Variants in PTOV1 observed in about 807,000 individuals in gnomAD.
PTOV1 encodes prostate tumor-overexpressed gene 1 protein.
A neutral mutation model predicts 58.0 loss-of-function variants in PTOV1; 20 were observed. The ratio of observed to expected loss-of-function variants is 0.34; its 90% CI spans 0.24 to 0.50. The LOEUF is 0.50. Ranked by LOEUF, PTOV1 falls within the 20% of genes least tolerant of loss-of-function variation. The probability of loss-of-function intolerance (pLI) is 0.98; values close to 1 mark genes in which losing one functional copy is unlikely to be tolerated. For missense variants in PTOV1, 593 were observed against 565.4 expected (o/e 1.05, Z -0.50); for synonymous variants, 335 against 234.2 (o/e 1.43, Z -3.93).
intron 9 of PTOV1, 101 bp from the exon 10 acceptor site, chr19:49,858,448 G>A (rs2074580190): frequency 2.2e-6 from 2 of 889,846 alleles, no homozygotes; most frequent in South Asian, 3.0e-5. Context: ...GAGGACAGGG[G>A]AGTCTCAGTT....
In PTOV1 at chr19:49,854,893, G is replaced by C; in HGVS notation, c.450+5G>C. ...CTGATCCCTCAGCAGCTGCTGGTGA[G>C]ACCCGCCCCTCCCACCCCATCCACT... On this transcript the variant is annotated splice_donor_5th_base_variant and intron_variant, in intron 4 of 11. Coordinates refer to ENST00000391842, the Ensembl canonical transcript of PTOV1. 1 of 1,603,598 alleles carries C rather than the reference G, an allele frequency of 6.2e-7. No individual in the cohort carries two copies. Among genetic ancestry groups the C allele is most frequent in the Non-Finnish European group, 8.5e-7 (1 of 1,173,378 alleles).
intron 1 of PTOV1, 56 bp from the exon 2 acceptor site, chr19:49,854,350 C>G: frequency 1.3e-6 from 2 of 1,569,462 alleles, no homozygotes; most frequent in Non-Finnish European, 1.7e-6. Flanking sequence ...GTGGGGACTG[C>G]CTGTCCTTGC....
chr19:49,851,632 G>C (rs904180486), intron 1 of PTOV1, 133 bp downstream of exon 1: 77 of 1,081,460 alleles, frequency 7.1e-5, no homozygotes, highest in South Asian at 2.3e-4. Flanking sequence ...GTCCCGCCCG[G>C]GGCCGGGTTC....
chr19:49,860,143 TCCTGCAGCGGAA>T, exon 11 of PTOV1: 2 of 1,614,144 alleles, frequency 1.2e-6, no homozygotes, highest in Non-Finnish European at 1.7e-6. Flanking sequence ...CAGCAGCAGG[TCCTGCAGCGGAA>T]CCTGGAGCAG....
rs1454129072 is a variant in PTOV1 at position 49,860,253 on chromosome 19, G to A, written c.1240-15G>A. The A allele has an allele frequency of 6.2e-7, 1 of 1,613,742 alleles. No individual in the cohort carries two copies. Among genetic ancestry groups the A allele is most frequent in the Non-Finnish European group, 8.5e-7 (1 of 1,179,798 alleles). ...CGCTGCCTGCTCACCACTGGCCTCTGATTTCTCGCCGTAGATGGGGGGGTA... is the reference window on the plus strand; with the variant it reads ...CGCTGCCTGCTCACCACTGGCCTCTAATTTCTCGCCGTAGATGGGGGGGTA... On this transcript the variant is annotated splice_polypyrimidine_tract_variant and intron_variant, in intron 11 of 11. Transcript: ENST00000391842.
chr19:49,851,622 G>C, intron 1 of PTOV1, 123 bp downstream of exon 1: 1 of 1,062,130 alleles, frequency 9.4e-7, no homozygotes, highest in Non-Finnish European at 1.2e-6. Context: ...CCGAAGGGTG[G>C]TCCCGCCCGG....
chr19:49,852,590 ATCT>A (rs1297643825), intron 1 of PTOV1: 4 of 152,186 alleles, frequency 2.6e-5, no homozygotes, highest in Admixed American at 2.6e-4. Flanking sequence ...TGATCGTCCC[ATCT>A]TGATGTGCTG....
rs1568654214 is a variant in PTOV1 at position 49,860,251 on chromosome 19, C to CT, written c.1240-16dup. ...CCCGCTGCCTGCTCACCACTGGCCTCTGATTTCTCGCCGTAGATGGGGGGG... is the reference window on the plus strand; with the variant it reads ...CCCGCTGCCTGCTCACCACTGGCCTCTTGATTTCTCGCCGTAGATGGGGGGG... On this transcript the variant is annotated splice_polypyrimidine_tract_variant and intron_variant, in intron 11 of 11. Transcript: ENST00000391842. 1.2e-6 allele frequency: 2 copies of CT among 1,613,756 alleles called. No homozygotes were observed. Among genetic ancestry groups the CT allele is most frequent in the Admixed American group, 1.7e-5 (1 of 59,976 alleles).
chr19:49,859,923 G>A (rs1024240116), intron 10 of PTOV1, 63 bp from the exon 11 acceptor site: 14 of 1,564,608 alleles, frequency 8.9e-6, no homozygotes, highest in African/African-American at 2.7e-5. Context: ...GCATGATGCC[G>A]TGGTTGGAGG....
intron 1 of PTOV1, chr19:49,852,169 G>A: frequency 2.6e-6 from 2 of 760,106 alleles, no homozygotes; most frequent in Non-Finnish European, 3.2e-6. Flanking sequence ...TCGCGACTTT[G>A]CACCGTGCAC....
intron 9 of PTOV1, chr19:49,858,341 CTG>C (rs1056827072): frequency 6.9e-5 from 48 of 696,450 alleles, no homozygotes; most frequent in Middle Eastern, 8.0e-4. Context: ...CAGCCACGAC[CTG>C]CACCTGGGGG....
exon 7 of PTOV1, chr19:49,857,719 A>T: frequency 6.2e-7 from 1 of 1,614,104 alleles, no homozygotes; most frequent in South Asian, 1.1e-5. Context: ...GTGTCAACTC[A>T]GGCCCAGTCC....
chr19:49,851,690 G>A, intron 1 of PTOV1, 191 bp downstream of exon 1: 8 of 1,154,134 alleles, frequency 6.9e-6, no homozygotes, highest in Non-Finnish European at 8.5e-6. Flanking sequence ...CCTTTGTTGC[G>A]CGTTCGGGCC....
At chr19:49,858,232 G>A in intron 9 of PTOV1, 118 bp downstream of exon 9, 1 of 1,303,024 alleles carries the variant, frequency 7.7e-7, no homozygotes. Context: ...GCGGAGCTGA[G>A]GGTGCTGAAG....
chr19:49,857,660 G>A (rs760556508), intron 6 of PTOV1, 33 bp from the exon 7 acceptor site: 1 of 1,596,388 alleles, frequency 6.3e-7, no homozygotes, highest in African/African-American at 1.3e-5. Flanking sequence ...CAGGAGCCTG[G>A]GCCCCTCTTC....
intron 10 of PTOV1, 147 bp from the exon 11 acceptor site, chr19:49,859,839 G>C: frequency 1.2e-6 from 1 of 821,036 alleles, no homozygotes; most frequent in Non-Finnish European, 2.0e-6. Flanking sequence ...TCCCAATAAG[G>C]GGGCCCACCT....
chr19:49,851,057 C>T (rs1161570101), upstream of PTOV1: 11 of 1,492,134 alleles, frequency 7.4e-6, no homozygotes, highest in Middle Eastern at 3.7e-4. Context: ...CGAGCCCACA[C>T]TCCGCTCCCG....
chr19:49,855,550 G>A (rs1030283162), intron 5 of PTOV1: 20 of 192,316 alleles, frequency 1.0e-4, no homozygotes, highest in Admixed American at 5.8e-4. Context: ...TGAAGCAGGC[G>A]CGGTGAGTAG....
At chr19:49,852,074 T>TG in intron 1 of PTOV1, 3 of 985,446 alleles carry the variant, frequency 3.0e-6, no homozygotes, top group South Asian at 9.4e-5. Context: ...GCAGGTACTT[T>TG]GGGCTGCACA....
Sources: gnomAD v4.1 joint callset for allele counts on GRCh38, gnomAD v4.1.1 for gene constraint, MANE v1.5 for transcripts, NCBI Gene and HGNC (gene_info 2026-07-23, HGNC 2026-07-21) for gene names.